FIG4: variants seen among roughly 807,000 people sequenced by gnomAD.
FIG4 encodes the protein FIG4 phosphoinositide 5-phosphatase, also known as polyphosphoinositide phosphatase.
FIG4 carries 112 observed loss-of-function variants against 118.6 expected under a neutral mutation model. That is an observed-to-expected ratio of 0.94 (90% CI 0.81 to 1.11). FIG4 has a LOEUF of 1.11. Among genes scored for constraint, FIG4 ranks in the 50% least tolerant of loss-of-function variants. The pLI is 0.00. For synonymous variants in FIG4, 369 were observed against 381.2 expected (o/e 0.97, Z 0.37); for missense variants, 969 against 1,111.7 (o/e 0.87, Z 1.83).
intron 1 of FIG4, 97 bp from the exon 2 acceptor site, chr6:109,714,981 C>T: frequency 1.5e-6 from 1 of 662,910 alleles, no homozygotes; most frequent in East Asian, 2.8e-5. Context: ...AGTAACCTGA[C>T]TTTATTAATG....
At chr6:109,755,000 G>T (rs1198080102) in intron 10 of FIG4, among the ~76,000 whole-genome samples, 3 of 151,856 alleles carry the variant, frequency 2.0e-5, no homozygotes, top group African/African-American at 7.3e-5. Flanking sequence ...GTTTGCTCTT[G>T]CTTTTCTAGT....
intron 22 of FIG4, among the ~76,000 whole-genome samples, chr6:109,824,053 G>T (rs1007114144): frequency 1.3e-5 from 2 of 152,200 alleles, no homozygotes; most frequent in African/African-American, 4.8e-5. Flanking sequence ...TCCCTTGAAG[G>T]CTTACCTCTT....
intron 13 of FIG4, among the ~76,000 whole-genome samples, chr6:109,764,316 T>A (rs1777211994): frequency 6.6e-6 from 1 of 152,064 alleles, no homozygotes; most frequent in African/African-American, 2.4e-5. Flanking sequence ...CATGCACCTC[T>A]AGTCCCAGCT....
intron 3 of FIG4, among the ~76,000 whole-genome samples, chr6:109,720,058 C>T (rs1328256172): frequency 6.6e-6 from 1 of 152,144 alleles, no homozygotes; most frequent in East Asian, 1.9e-4. Context: ...GCCCTTTTAG[C>T]TTTGAGACTG....
rs1481185549 is a variant in FIG4, at chr6:109,691,390, G to T, written c.-46G>T. The T allele has an allele frequency of 6.6e-7, 1 of 1,524,004 alleles. No individual in the cohort carries two copies. The highest frequency in any genetic ancestry group is 8.9e-7 in the Non-Finnish European group (1 of 1,120,746). The allele number at this position is 1,524,004 out of a possible 1,614,324, so 94.4% of individuals were successfully genotyped here. ...TTTTCTCGCCGAGTCTCCTGGGGCGGTCCGGAGGCTCGTGCCCTGTTGTGG... is the reference window on the plus strand; with the variant it reads ...TTTTCTCGCCGAGTCTCCTGGGGCGTTCCGGAGGCTCGTGCCCTGTTGTGG... On this transcript the variant is annotated 5_prime_UTR_variant, in exon 1 of 23. Coordinates refer to ENST00000230124, the MANE Select transcript of FIG4 (RefSeq NM_014845.6).
chr6:109,702,754 G>C (rs1774942787), intron 1 of FIG4, among the ~76,000 whole-genome samples: 1 of 152,094 alleles, frequency 6.6e-6, no homozygotes, highest in Admixed American at 6.5e-5. Context: ...CAATACTTGA[G>C]ATGACTTTTC....
rs930382068 is a variant in FIG4 at position 109,695,405 on chromosome 6, C to A, written c.66+3904C>A. ...TCCATTGAAACTCTTGCAGAATTCC[C>A]ATGTTTGATGAGAGGAATGAGCAGC... On this transcript the variant is annotated intron_variant, in intron 1 of 22. Transcript: ENST00000230124. 2.6e-5 allele frequency among the ~76,000 whole-genome samples: 4 copies of A among 152,194 alleles called. No individual in the cohort carries two copies. The South Asian group carries it at 8.3e-4, about 32-fold the overall frequency.
At chr6:109,812,759 AAT>A (rs1399468599) in intron 22 of FIG4, among the ~76,000 whole-genome samples, 1 of 152,150 alleles carries the variant, frequency 6.6e-6, no homozygotes, top group Non-Finnish European at 1.5e-5. Context: ...TCTTTCAAAA[AAT>A]GTTACTATAA....
In FIG4 at chr6:109,738,325, G is replaced by A; in HGVS notation, c.647G>A (p.Gly216Glu). 1 of 1,602,164 alleles carries A rather than the reference G, an allele frequency of 6.2e-7. No homozygotes were observed. Among genetic ancestry groups the A allele is most frequent in the East Asian group, 2.2e-5 (1 of 44,732 alleles). ...ACTGATACAGACTTTTATTTTTCAG[G>A]GGTATTTGGGATCTGTAGTGAGCCT... ...DEGLITQGGS[G>E]VFGICSEPYM... The change falls in exon 7 of 23, where the codon GGG becomes GAG. Residue 216 changes from glycine (G) to glutamate (E), a missense_variant and splice_region_variant. Gly to Glu is a moderately conservative substitution (Grantham distance 98, BLOSUM62 -2). Transcript: ENST00000230124.
intron 1 of FIG4, among the ~76,000 whole-genome samples, chr6:109,714,056 A>G (rs1441195325): frequency 1.3e-5 from 2 of 152,140 alleles, no homozygotes; most frequent in African/African-American, 4.8e-5. Context: ...AAACGCTCCC[A>G]TACCAAACCC....
intron 22 of FIG4, among the ~76,000 whole-genome samples, chr6:109,806,119 G>T (rs1778557761): frequency 6.6e-6 from 1 of 152,108 alleles, no homozygotes; most frequent in African/African-American, 2.4e-5. Context: ...TTGGCCTAAA[G>T]ATTTTGCTTT....
chr6:109,738,467 A>G lies in FIG4; in HGVS notation c.775+14A>G. 6.2e-7 allele frequency: 1 copy of G among 1,608,296 alleles called. No individual in the cohort carries two copies. The highest frequency in any genetic ancestry group is 8.5e-7 in the Non-Finnish European group (1 of 1,175,016). On this transcript the variant is annotated intron_variant, in intron 7 of 22. Coordinates refer to ENST00000230124, the MANE Select transcript of FIG4 (RefSeq NM_014845.6). The stretch of plus-strand genomic sequence containing the variant: ...GTGGGCAGTCAAGTATCCTTTCTGA[A>G]GAAAAAGTAAGATACATATTACTAA...
chr6:109,793,500 C>T (rs754407418), intron 21 of FIG4, among the ~76,000 whole-genome samples: 4 of 152,166 alleles, frequency 2.6e-5, no homozygotes, highest in Non-Finnish European at 5.9e-5. Flanking sequence ...TTAGCAGATT[C>T]TCAAAAGAAT....
At chr6:109,753,527 C>T (rs908613803) in intron 10 of FIG4, among the ~76,000 whole-genome samples, 1 of 152,000 alleles carries the variant, frequency 6.6e-6, no homozygotes, top group East Asian at 1.9e-4. Flanking sequence ...TATAAATTAC[C>T]TTGGGCAATA....
At chr6:109,731,792 C>A (rs1776009345) in intron 4 of FIG4, among the ~76,000 whole-genome samples, 1 of 152,174 alleles carries the variant, frequency 6.6e-6, no homozygotes, top group Middle Eastern at 3.4e-3. Flanking sequence ...GACCTGAAAC[C>A]AATCCCCCAC....
chr6:109,819,394 G>T (rs1283853883), intron 22 of FIG4, among the ~76,000 whole-genome samples: 2 of 152,306 alleles, frequency 1.3e-5, no homozygotes, highest in African/African-American at 4.8e-5. Flanking sequence ...GTCACATTTT[G>T]CCAGAAAGTA....
At chr6:109,798,597 A>T (rs917318044) in intron 22 of FIG4, among the ~76,000 whole-genome samples, 3 of 152,158 alleles carry the variant, frequency 2.0e-5, no homozygotes, top group Non-Finnish European at 2.9e-5. Flanking sequence ...TAAGGATGAG[A>T]CTACCTAGGA....
chr6:109,752,116 A>G (rs190810208), intron 10 of FIG4, among the ~76,000 whole-genome samples: 3,824 of 150,828 alleles, frequency 0.025, 85 homozygotes, highest in East Asian at 0.092. Context: ...GCGATAGTTT[A>G]CTGAGAATGA....
chr6:109,712,818 A>G lies in FIG4; in HGVS notation c.67-2260A>G, dbSNP rs550405022. Among the ~76,000 whole-genome samples, 4 of 152,244 alleles carry G rather than the reference A, an allele frequency of 2.6e-5. No individual in the cohort carries two copies. The South Asian group carries it at 8.3e-4, about 32-fold the overall frequency. The stretch of plus-strand genomic sequence containing the variant: ...GAAAAAAGGCACTTCTGGCTTTTTG[A>G]GTTGTCAGAGTTCTTGCACTGGTTC... On this transcript the variant is annotated intron_variant, in intron 1 of 22. Coordinates refer to ENST00000230124, the MANE Select transcript of FIG4 (RefSeq NM_014845.6).
Sources: gnomAD v4.1 joint callset for allele counts (sites outside exome capture counted in the v4.1 genomes callset) on GRCh38, gnomAD v4.1.1 for gene constraint, MANE v1.5 for transcripts, NCBI Gene and HGNC (gene_info 2026-07-23, HGNC 2026-07-21) for gene names.